The following FOCAD variants were observed in gnomAD, a reference collection of about 807,000 sequenced individuals.
FOCAD encodes focadhesin.
A neutral mutation model predicts 225.6 loss-of-function variants in FOCAD; 198 were observed. The ratio of observed to expected loss-of-function variants is 0.88; its 90% CI spans 0.78 to 0.99. The LOEUF (loss-of-function observed/expected upper bound fraction) is 0.99, where lower values mean the gene tolerates loss of function less well. Ranked by LOEUF, FOCAD falls within the 50% of genes least tolerant of loss-of-function variation. FOCAD has a pLI of 0.00. For missense variants in FOCAD, 2,713 were observed against 2,123.6 expected, an observed-to-expected ratio of 1.28 and a Z score of -5.46; for synonymous variants, 897 against 755.0, an observed-to-expected ratio of 1.19 and a Z score of -3.08.
At chr9:20,911,513 A>G (rs1263034565) in intron 22 of FOCAD, among the ~76,000 whole-genome samples, 1 of 152,178 alleles carries the variant, frequency 6.6e-6, no homozygotes, top group Non-Finnish European at 1.5e-5. Flanking sequence ...ATTTCAGGAG[A>G]TATTTAGATA....
intron 1 of FOCAD, chr9:20,658,486 CG>C (rs552307942): frequency 1.2e-4 from 18 of 155,854 alleles, no homozygotes; most frequent in African/African-American, 3.8e-4. Flanking sequence ...CGTGGTGCGC[CG>C]TTTTTTAAGC....
intron 11 of FOCAD, among the ~76,000 whole-genome samples, chr9:20,801,194 T>A (rs571284314): frequency 6.6e-6 from 1 of 152,216 alleles, no homozygotes; most frequent in African/African-American, 2.4e-5. Context: ...TGACACAGCA[T>A]GTTTTAATAT....
rs776526405 is a variant in FOCAD, at chr9:20,953,060, A to G, written c.4127A>G (p.Lys1376Arg). 5.6e-6 allele frequency: 9 copies of G among 1,612,074 alleles called. No homozygotes were observed. The African/African-American group carries it at 1.2e-4, about 22-fold the overall frequency. ...ATTGGCTTCTTCATTACAGGAGGAA[A>G]AAAAGGCAAGTGAGCACATTTCTTG... ...AAIGFFITGGKKGPESVPPSL... is the reference protein window; with the variant it reads ...AAIGFFITGGRKGPESVPPSL... Residue 1376 changes from lysine (K) to arginine (R), a missense_variant, in exon 35 of 44, where the codon AAA becomes AGA. By Grantham distance (26) the Lys-to-Arg change is conservative. Transcript: ENST00000338382.
chr9:20,771,969 C>A (rs559940317), intron 8 of FOCAD, among the ~76,000 whole-genome samples: 1 of 152,150 alleles, frequency 6.6e-6, no homozygotes, highest in African/African-American at 2.4e-5. Context: ...CTCACTTAAC[C>A]TTAATGACTT....
At chr9:20,799,831 C>T (rs187146716) in intron 11 of FOCAD, among the ~76,000 whole-genome samples, 61 of 152,188 alleles carry the variant, frequency 4.0e-4, no homozygotes, top group African/African-American at 1.3e-3. Flanking sequence ...TTAATTGGAG[C>T]ATTTAGCCCA....
At chr9:20,983,904 A>C (rs149206646) in intron 39 of FOCAD, among the ~76,000 whole-genome samples, 190 of 152,342 alleles carry the variant, frequency 1.2e-3, no homozygotes, top group African/African-American at 4.4e-3. Context: ...ATTATTACAT[A>C]TGTGTAATGA....
chr9:20,833,579 C>A (rs1306369564), intron 15 of FOCAD, among the ~76,000 whole-genome samples: 1 of 152,042 alleles, frequency 6.6e-6, no homozygotes, highest in Non-Finnish European at 1.5e-5. Flanking sequence ...GATGAGTGTG[C>A]TTTCTAATTT....
intron 28 of FOCAD, among the ~76,000 whole-genome samples, chr9:20,941,371 G>C (rs1306661626): frequency 6.6e-6 from 1 of 152,176 alleles, no homozygotes; most frequent in Non-Finnish European, 1.5e-5. Flanking sequence ...TGAGCTTTTA[G>C]AAATGCGATA....
At chr9:20,984,719 G>A (rs942707206) in intron 39 of FOCAD, among the ~76,000 whole-genome samples, 1 of 152,142 alleles carries the variant, frequency 6.6e-6, no homozygotes, top group African/African-American at 2.4e-5. Flanking sequence ...AAAGGGAAAC[G>A]TGTGCTAATA....
intron 16 of FOCAD, chr9:20,863,027 A>C (rs1162643567): frequency 5.4e-6 from 1 of 183,558 alleles, no homozygotes. Context: ...TTAATGTTTT[A>C]AGTTCTAAAA....
In FOCAD at chr9:20,720,096, C is replaced by T. The variant is rs140717696; in HGVS notation, c.133-284C>T. 6.1e-3 allele frequency among the ~76,000 whole-genome samples: 926 copies of T among 152,248 alleles called. 9 individuals are homozygous for T. The highest frequency in any genetic ancestry group is 0.034 in the Middle Eastern group (10 of 294). On this transcript the variant is annotated intron_variant, in intron 3 of 43. Transcript: ENST00000338382. ...GCAATGTGCTAGAGCCAAGTTTTAGCTTTGTTGTGTTGCTTGAACTCGGGT... is the reference window on the plus strand; with the variant it reads ...GCAATGTGCTAGAGCCAAGTTTTAGTTTTGTTGTGTTGCTTGAACTCGGGT...
At chr9:20,785,854 C>G (rs1819870372) in intron 10 of FOCAD, among the ~76,000 whole-genome samples, 2 of 152,168 alleles carry the variant, frequency 1.3e-5, no homozygotes, top group East Asian at 3.9e-4. Context: ...AGGGGCTGCA[C>G]TATTCTATAT....
chr9:20,896,651 T>C (rs1359231585), intron 21 of FOCAD, among the ~76,000 whole-genome samples: 1 of 151,910 alleles, frequency 6.6e-6, no homozygotes, highest in African/African-American at 2.4e-5. Flanking sequence ...TTTGTGGGCA[T>C]AGAGTTATAT....
intron 1 of FOCAD, among the ~76,000 whole-genome samples, chr9:20,691,806 C>G (rs1210321761): frequency 6.6e-6 from 1 of 151,664 alleles, no homozygotes; most frequent in Non-Finnish European, 1.5e-5. Flanking sequence ...TGGAGTCTCC[C>G]TCTGTCACCC....
At chr9:20,988,076 T>G (rs1158751385) in intron 40 of FOCAD, among the ~76,000 whole-genome samples, 1 of 152,218 alleles carries the variant, frequency 6.6e-6, no homozygotes, top group African/African-American at 2.4e-5. Flanking sequence ...ATGCATTTTA[T>G]CACTAGTGGT....
exon 1 of FOCAD, chr9:20,658,335 A>C (rs923100581): frequency 6.0e-6 from 1 of 166,766 alleles, no homozygotes; most frequent in Non-Finnish European, 1.3e-5. Flanking sequence ...TGCTTTGTTT[A>C]CCTAATCAAG....
intron 29 of FOCAD, 90 bp from the exon 30 acceptor site, chr9:20,946,611 G>C: frequency 7.2e-7 from 1 of 1,398,480 alleles, no homozygotes; most frequent in South Asian, 1.4e-5. Flanking sequence ...TTACTCTGGG[G>C]GGGAGTTTGA....
At chr9:20,715,268 C>A (rs970327427) in intron 1 of FOCAD, 54 bp from the exon 2 acceptor site, 2 of 737,572 alleles carry the variant, frequency 2.7e-6, no homozygotes, top group Non-Finnish European at 4.2e-6. Flanking sequence ...TTAATTGGAG[C>A]CCCAATTCAG....
chr9:20,699,396 T>G (rs903430904), intron 1 of FOCAD, among the ~76,000 whole-genome samples: 1 of 152,014 alleles, frequency 6.6e-6, no homozygotes, highest in African/African-American at 2.4e-5. Flanking sequence ...CCCTTAGGCC[T>G]GTATGTATGA....
Sources: gnomAD v4.1 joint callset for allele counts (sites outside exome capture counted in the v4.1 genomes callset) on GRCh38, gnomAD v4.1.1 for gene constraint, MANE v1.5 for transcripts, NCBI Gene and HGNC (gene_info 2026-07-23, HGNC 2026-07-21) for gene names.